The following KITLG variants were observed in gnomAD, a reference collection of about 807,000 sequenced individuals.
KITLG encodes c-Kit ligand.
In KITLG, 13 loss-of-function variants were observed where a neutral mutation model predicts 34.1. That is an observed-to-expected ratio of 0.38 (90% CI 0.25 to 0.61). The LOEUF (loss-of-function observed/expected upper bound fraction) is 0.61. Ranked by LOEUF, KITLG falls within the 20% of genes least tolerant of loss-of-function variation. The pLI, the probability that KITLG is intolerant of heterozygous loss-of-function variation, is 0.60. For synonymous variants in KITLG, 110 were observed against 104.0 expected, an observed-to-expected ratio of 1.06 and a Z score of -0.35; for missense variants, 292 against 318.9, an observed-to-expected ratio of 0.92 and a Z score of 0.64.
At chr12:88,516,294 T>G (rs746523365) in intron 5 of KITLG, 40 bp downstream of exon 5, 1 of 1,574,014 alleles carries the variant, frequency 6.4e-7, no homozygotes, top group Non-Finnish European at 8.7e-7. Flanking sequence ...GATTTAAGTT[T>G]GTTGTTTACA....
chr12:88,574,397 T>C (rs530612000), intron 1 of KITLG, among the ~76,000 whole-genome samples: 1 of 152,278 alleles, frequency 6.6e-6, no homozygotes, highest in East Asian at 1.9e-4. Context: ...AGGATGGTAC[T>C]GGACCCAGAC....
chr12:88,497,757 G>A lies in KITLG; in HGVS notation c.*38-576C>T, dbSNP rs529266519. On this transcript the variant is annotated intron_variant, in intron 9 of 9. Transcript: ENST00000644744. Reference sequence around the variant, plus strand: ...GAAAGAGATCCCTAAGACAGGTGGAGAAGCTGGTCAATGGCCACCAACAAG... The same window carrying A: ...GAAAGAGATCCCTAAGACAGGTGGAAAAGCTGGTCAATGGCCACCAACAAG... Among the ~76,000 whole-genome samples, 3 of 152,320 alleles carry A rather than the reference G, an allele frequency of 2.0e-5. No homozygotes were observed. The South Asian group carries it at 6.2e-4, about 32-fold the overall frequency.
Position 88,492,913 on chromosome 12 carries a change from C to T in KITLG, c.*4306G>A, listed in dbSNP as rs1004090620. ...ACACCTATTTTAAAAAGTACACATA[C>T]AGTATATACACATACACATCACATT... On this transcript the variant is annotated 3_prime_UTR_variant, in exon 10 of 10. Coordinates refer to ENST00000644744, the MANE Select transcript of KITLG (RefSeq NM_000899.5). 4 of 152,244 alleles carry T rather than the reference C, an allele frequency of 2.6e-5. No individual in the cohort carries two copies. Among genetic ancestry groups the T allele is most frequent in the African/African-American group, 9.7e-5 (4 of 41,382 alleles). The allele number at this position is 152,244 out of a possible 1,614,324, so 9.4% of individuals were successfully genotyped here.
At chr12:88,500,490 T>C (rs2120784991) in intron 9 of KITLG, among the ~76,000 whole-genome samples, 1 of 152,350 alleles carries the variant, frequency 6.6e-6, no homozygotes, top group Middle Eastern at 3.4e-3. Context: ...CACAACAAAG[T>C]TATATTAAGC....
At chr12:88,506,507 G>A in intron 7 of KITLG, 129 bp from the exon 8 acceptor site, 1 of 720,016 alleles carries the variant, frequency 1.4e-6, no homozygotes, top group South Asian at 1.5e-5. Flanking sequence ...CATGTAGCAT[G>A]CAAAATATCT....
chr12:88,509,630 C>T (rs1425333793), intron 6 of KITLG, among the ~76,000 whole-genome samples: 8 of 152,162 alleles, frequency 5.3e-5, no homozygotes, highest in South Asian at 4.2e-4. Context: ...GATGGCGGGG[C>T]GGCAGTGGAG....
chr12:88,566,007 T>G (rs1355800932), intron 1 of KITLG, among the ~76,000 whole-genome samples: 3 of 152,232 alleles, frequency 2.0e-5, no homozygotes, highest in Non-Finnish European at 4.4e-5. Flanking sequence ...TAACTGGCCC[T>G]TGTCATTCAG....
chr12:88,576,093 AAGG>A (rs551164948), intron 1 of KITLG, among the ~76,000 whole-genome samples: 1 of 152,212 alleles, frequency 6.6e-6, no homozygotes, highest in Non-Finnish European at 1.5e-5. Context: ...AGAATCATAC[AAGG>A]AGAACTTAGC....
At chr12:88,555,304 G>A (rs1489609665) in intron 1 of KITLG, among the ~76,000 whole-genome samples, 1 of 152,170 alleles carries the variant, frequency 6.6e-6, no homozygotes, top group African/African-American at 2.4e-5. Context: ...AGGACAAGCA[G>A]TTTGCAGATA....
intron 6 of KITLG, among the ~76,000 whole-genome samples, chr12:88,511,071 A>T (rs1869260856): frequency 6.6e-6 from 1 of 152,066 alleles, no homozygotes; most frequent in South Asian, 2.1e-4. Context: ...AAAATTTTTT[A>T]AAAAGGAAGA....
At chr12:88,524,113 T>C (rs190268241) in intron 3 of KITLG, among the ~76,000 whole-genome samples, 1 of 152,328 alleles carries the variant, frequency 6.6e-6, no homozygotes, top group Admixed American at 6.5e-5. Context: ...AGTCATTTAA[T>C]CTATTCAGGG....
chr12:88,561,513 C>G (rs1871297480), intron 1 of KITLG, among the ~76,000 whole-genome samples: 1 of 152,208 alleles, frequency 6.6e-6, no homozygotes, highest in Admixed American at 6.5e-5. Flanking sequence ...CACACTCTTA[C>G]TGGAAGATTA....
intron 6 of KITLG, among the ~76,000 whole-genome samples, chr12:88,513,579 C>T (rs1160947276): frequency 6.6e-6 from 1 of 151,534 alleles, no homozygotes; most frequent in African/African-American, 2.4e-5. Context: ...GAAAGCCAAA[C>T]ATATACCATG....
In KITLG at chr12:88,493,095, A is replaced by G. The variant is rs1592831664; in HGVS notation, c.*4124T>C. On this transcript the variant is annotated 3_prime_UTR_variant, in exon 10 of 10. Coordinates refer to ENST00000644744, the MANE Select transcript of KITLG (RefSeq NM_000899.5). ...AAATTAATACTTTTCAAGTCCATTGATTTAAAAAAATGGTGGCAAGTGGAC... is the reference window on the plus strand; with the variant it reads ...AAATTAATACTTTTCAAGTCCATTGGTTTAAAAAAATGGTGGCAAGTGGAC... 1 of 152,444 alleles carries G rather than the reference A, an allele frequency of 6.6e-6. No individual in the cohort carries two copies. Among genetic ancestry groups the G allele is most frequent in the East Asian group, 1.9e-4 (1 of 5,172 alleles). 9.4% of individuals were successfully genotyped at this position (152,444 alleles called of 1,614,324 possible).
chr12:88,522,754 G>A (rs1439365871), intron 3 of KITLG, among the ~76,000 whole-genome samples: 2 of 152,040 alleles, frequency 1.3e-5, no homozygotes, highest in East Asian at 3.9e-4. Flanking sequence ...GAGCAGTCAC[G>A]GTAAGATTTA....
intron 2 of KITLG, among the ~76,000 whole-genome samples, chr12:88,543,696 T>A (rs1232349725): frequency 6.6e-6 from 1 of 152,128 alleles, no homozygotes; most frequent in East Asian, 1.9e-4. Context: ...CCTTCTCATA[T>A]CACCATTAAA....
chr12:88,578,544 T>C (rs1230035855), intron 1 of KITLG, among the ~76,000 whole-genome samples: 1 of 152,256 alleles, frequency 6.6e-6, no homozygotes, highest in Admixed American at 6.5e-5. Context: ...TAATCCGATT[T>C]ACACAGCCAT....
At chr12:88,521,887 T>A (rs889790206) in intron 3 of KITLG, among the ~76,000 whole-genome samples, 1 of 152,166 alleles carries the variant, frequency 6.6e-6, no homozygotes, top group Non-Finnish European at 1.5e-5. Flanking sequence ...AACATGTGCT[T>A]TCTATCCCTA....
At chr12:88,545,075 G>A (rs1405021577) in intron 2 of KITLG, among the ~76,000 whole-genome samples, 1 of 152,184 alleles carries the variant, frequency 6.6e-6, no homozygotes, top group Non-Finnish European at 1.5e-5. Flanking sequence ...GGTTGGGAAG[G>A]ATGCATTCCA....
Sources: allele counts gnomAD v4.1 joint callset (sites outside exome capture counted in the v4.1 genomes callset), GRCh38; gene constraint gnomAD v4.1.1; transcripts MANE v1.5; gene names NCBI Gene and HGNC (gene_info 2026-07-23, HGNC 2026-07-21).